Variants in UNC5D observed in about 807,000 individuals in gnomAD.
UNC5D encodes the protein unc-5 netrin receptor D, also known as netrin receptor UNC5D.
UNC5D carries 39 observed loss-of-function variants against 105.4 expected under a neutral mutation model. The ratio of observed to expected loss-of-function variants is 0.37; its 90% CI spans 0.29 to 0.48. The LOEUF (loss-of-function observed/expected upper bound fraction) is 0.48, where lower values mean the gene tolerates loss of function less well. Ranked by LOEUF, UNC5D falls within the 20% of genes least tolerant of loss-of-function variation. UNC5D has a pLI of 0.98. For synonymous variants in UNC5D, 452 were observed against 450.4 expected, an observed-to-expected ratio of 1.00 and a Z score of -0.04; for missense variants, 991 against 1,202.4, an observed-to-expected ratio of 0.82 and a Z score of 2.60.
chr8:35,532,947 TC>T (rs1814504744), intron 1 of UNC5D, among the ~76,000 whole-genome samples: 1 of 130,036 alleles, frequency 7.7e-6, no homozygotes, highest in Admixed American at 7.8e-5. Context: ...TATACATTCT[TC>T]TAAATTTTTT....
At chr8:35,358,718 A>G (rs1295549393) in intron 1 of UNC5D, among the ~76,000 whole-genome samples, 1 of 152,152 alleles carries the variant, frequency 6.6e-6, no homozygotes, top group Non-Finnish European at 1.5e-5. Context: ...CCCTCCTTCA[A>G]GGAGTGTTCC....
intron 1 of UNC5D, among the ~76,000 whole-genome samples, chr8:35,240,686 A>T (rs2128800728): frequency 6.6e-6 from 1 of 152,224 alleles, no homozygotes; most frequent in East Asian, 1.9e-4. Context: ...AACAAAGACA[A>T]TTTTTCTGAA....
intron 1 of UNC5D, among the ~76,000 whole-genome samples, chr8:35,294,138 T>A (rs1290736477): frequency 6.6e-6 from 1 of 152,198 alleles, no homozygotes; most frequent in African/African-American, 2.4e-5. Flanking sequence ...CCTTTTCCTA[T>A]CAAGGCTCAG....
chr8:35,521,224 G>A (rs547134458), intron 1 of UNC5D, among the ~76,000 whole-genome samples: 37 of 152,058 alleles, frequency 2.4e-4, no homozygotes, highest in Non-Finnish European at 4.6e-4. Flanking sequence ...GGAGGCAGAG[G>A]AGGAATAGAC....
intron 8 of UNC5D, among the ~76,000 whole-genome samples, chr8:35,711,603 C>G (rs1240157967): frequency 6.6e-6 from 1 of 152,132 alleles, no homozygotes; most frequent in East Asian, 1.9e-4. Context: ...CTATAGTTTC[C>G]CTTATGTGTT....
chr8:35,759,168 G>T, intron 13 of UNC5D, 152 bp from the exon 14 acceptor site: 1 of 773,530 alleles, frequency 1.3e-6, no homozygotes, highest in Non-Finnish European at 2.0e-6. Context: ...GAACTTTATG[G>T]ACTATGGAGT....
At position 35,624,936 on chromosome 8, in the gene UNC5D, GTTAA is replaced by G. The variant is rs199698431; in HGVS notation, c.570+29283_570+29286del. 3.1e-3 allele frequency among the ~76,000 whole-genome samples: 470 copies of G among 152,254 alleles called. 3 individuals carry two copies. Among genetic ancestry groups the G allele is most frequent in the African/African-American group, 0.01 (427 of 41,546 alleles). ...ATAGGGCCTTTTCAATTACGGGAAT[GTTAA>G]TTATTATTAATCATCCCTTAATTAT... On this transcript the variant is annotated intron_variant, in intron 4 of 16. Coordinates refer to ENST00000404895, the MANE Select transcript of UNC5D (RefSeq NM_080872.4).
At chr8:35,725,934 G>A (rs1293599391) in intron 9 of UNC5D, among the ~76,000 whole-genome samples, 1 of 152,170 alleles carries the variant, frequency 6.6e-6, no homozygotes, top group Non-Finnish European at 1.5e-5. Flanking sequence ...AAAGATTTGG[G>A]TCAGTGGCAT....
At chr8:35,547,055 C>G (rs1466032365) in intron 1 of UNC5D, among the ~76,000 whole-genome samples, 1 of 150,702 alleles carries the variant, frequency 6.6e-6, no homozygotes, top group African/African-American at 2.4e-5. Flanking sequence ...TCCCCTTAAG[C>G]TGATGTATTT....
At chr8:35,409,231 T>C (rs1805000614) in intron 1 of UNC5D, among the ~76,000 whole-genome samples, 1 of 152,094 alleles carries the variant, frequency 6.6e-6, no homozygotes, top group Admixed American at 6.6e-5. Flanking sequence ...TCTGTGGACA[T>C]ACGTCTTCAT....
At chr8:35,555,946 G>C (rs1408641155) in intron 2 of UNC5D, among the ~76,000 whole-genome samples, 2 of 148,220 alleles carry the variant, frequency 1.3e-5, no homozygotes, top group African/African-American at 5.0e-5. Context: ...CCTGAGGTTA[G>C]CCTAATGGTT....
intron 3 of UNC5D, among the ~76,000 whole-genome samples, chr8:35,590,627 G>C (rs1322442155): frequency 6.6e-6 from 1 of 152,102 alleles, no homozygotes; most frequent in Non-Finnish European, 1.5e-5. Context: ...TTAGGATCTA[G>C]TAATATACAT....
At chr8:35,790,133 A>G (rs1384127149) in intron 16 of UNC5D, among the ~76,000 whole-genome samples, 1 of 152,148 alleles carries the variant, frequency 6.6e-6, no homozygotes, top group Non-Finnish European at 1.5e-5. Context: ...CAAGAAAGAC[A>G]AAACAAGACT....
intron 1 of UNC5D, among the ~76,000 whole-genome samples, chr8:35,443,216 C>G (rs1157524704): frequency 6.6e-6 from 1 of 151,752 alleles, no homozygotes; most frequent in African/African-American, 2.4e-5. Flanking sequence ...GAAGGATATT[C>G]TGAGAACTTC....
chr8:35,271,138 T>A (rs1805253617), intron 1 of UNC5D, among the ~76,000 whole-genome samples: 1 of 150,492 alleles, frequency 6.6e-6, no homozygotes, highest in Non-Finnish European at 1.5e-5. Context: ...ATGCAAAAAA[T>A]TTGATTTTGG....
intron 1 of UNC5D, among the ~76,000 whole-genome samples, chr8:35,455,870 C>T (rs555425692): frequency 6.6e-6 from 1 of 152,122 alleles, no homozygotes; most frequent in African/African-American, 2.4e-5. Flanking sequence ...AAAACTACCC[C>T]AGGATTCAAT....
intron 2 of UNC5D, among the ~76,000 whole-genome samples, chr8:35,560,701 AAT>A (rs1314284178): frequency 2.1e-5 from 3 of 142,822 alleles, no homozygotes; most frequent in African/African-American, 2.7e-5. Context: ...CTAGAGAGAT[AAT>A]ATACCTTTTG....
At chr8:35,393,203 G>C (rs2128942708) in intron 1 of UNC5D, among the ~76,000 whole-genome samples, 1 of 141,996 alleles carries the variant, frequency 7.0e-6, no homozygotes, top group African/African-American at 2.6e-5. Flanking sequence ...CGCAATCTCG[G>C]CTCACTGCAG....
chr8:35,239,882 T>G (rs193207858), intron 1 of UNC5D, among the ~76,000 whole-genome samples: 2 of 152,236 alleles, frequency 1.3e-5, no homozygotes, highest in Admixed American at 1.3e-4. Context: ...TCCTTCTTTC[T>G]TTTCCTTTTC....
Sources: gnomAD v4.1 joint callset for allele counts (sites outside exome capture counted in the v4.1 genomes callset) on GRCh38, gnomAD v4.1.1 for gene constraint, MANE v1.5 for transcripts, NCBI Gene and HGNC (gene_info 2026-07-23, HGNC 2026-07-21) for gene names.